The following PCDHA9 variants were observed in gnomAD, a reference collection of about 807,000 sequenced individuals.
The protein encoded by PCDHA9 is protocadherin alpha-9.
Under a neutral mutation model 62.0 loss-of-function variants are expected in PCDHA9, and 62 were observed. The observed-to-expected ratio is 1.00, with a 90% CI of 0.81 to 1.23. The LOEUF (loss-of-function observed/expected upper bound fraction) is 1.23, where lower values mean the gene tolerates loss of function less well. Among genes scored for constraint, PCDHA9 ranks in the 50% most tolerant of loss-of-function variants. The pLI, the probability that PCDHA9 is intolerant of heterozygous loss-of-function variation, is 0.00. For missense variants in PCDHA9, 1,205 were observed against 1,249.8 expected, an observed-to-expected ratio of 0.96 and a Z score of 0.54; for synonymous variants, 557 against 567.6, an observed-to-expected ratio of 0.98 and a Z score of 0.27.
chr5:140,987,898 A>T (rs1394668777), intron 3 of PCDHA9, among the ~76,000 whole-genome samples: 1 of 152,092 alleles, frequency 6.6e-6, no homozygotes, highest in Non-Finnish European at 1.5e-5. Context: ...CCCTAGTTTT[A>T]TATGGGGATT....
chr5:140,848,975 A>G lies in PCDHA9; in HGVS notation c.480A>G (p.Ala160=), dbSNP rs2040717769. 3 of 1,601,024 alleles carry G rather than the reference A, an allele frequency of 1.9e-6. No homozygotes were observed. The East Asian group carries it at 6.7e-5, about 36-fold the overall frequency. ...TTCCACTAGAGGGCGCGTCCGATGC[A>G]GATATCGGGGAGAACGCCCTGCTCA... ...SRFPLEGASD[A]DIGENALLTY... is the part of the protein sequence containing the mutation. The change falls in exon 1 of 4, where the codon GCA becomes GCG. Residue 160 remains alanine, a synonymous_variant. Transcript: ENST00000532602.
chr5:140,869,586 CAT>C, intron 1 of PCDHA9: 6 of 1,614,150 alleles, frequency 3.7e-6, no homozygotes, highest in Non-Finnish European at 5.1e-6. Flanking sequence ...CTGATGCTGA[CAT>C]TGAAGAGAAT....
intron 1 of PCDHA9, chr5:140,871,085 CG>C: frequency 6.2e-7 from 1 of 1,613,246 alleles, no homozygotes. Context: ...CTGACGGCCA[CG>C]GCCACCGTGC....
At chr5:140,864,648 G>A (rs2048555529) in intron 1 of PCDHA9, 1 of 152,150 alleles carries the variant, frequency 6.6e-6, no homozygotes, top group Non-Finnish European at 1.5e-5. Context: ...AACAATGTCA[G>A]CTCTACTTAA....
At chr5:140,858,105 C>A (rs782612207) in intron 1 of PCDHA9, 2 of 1,597,672 alleles carry the variant, frequency 1.3e-6, no homozygotes, top group East Asian at 2.2e-5. Context: ...GTGGGCGTGG[C>A]GCCCGAGGTG....
intron 1 of PCDHA9, chr5:140,868,176 CAT>C (rs1246417615): frequency 2.0e-5 from 3 of 152,006 alleles, no homozygotes; most frequent in African/African-American, 7.2e-5. Flanking sequence ...TTTGATATCT[CAT>C]ATTATGCTAC....
At chr5:140,966,654 T>C in intron 1 of PCDHA9, 1 of 1,185,100 alleles carries the variant, frequency 8.4e-7, no homozygotes, top group Non-Finnish European at 1.1e-6. Flanking sequence ...GCGTGAGCGG[T>C]GGGGGAGCAG....
chr5:140,848,428 C>A lies in PCDHA9; in HGVS notation c.-68C>A, dbSNP rs2150410339. 6.6e-5 allele frequency: 95 copies of A among 1,449,944 alleles called. 7 individuals are homozygous for A. The highest frequency in any genetic ancestry group is 8.7e-5 in the Non-Finnish European group (92 of 1,058,798). The allele number at this position is 1,449,944 out of a possible 1,614,324, so 89.8% of individuals were successfully genotyped here. A position where few individuals can be genotyped will look rare whatever the true frequency, so the allele number is the denominator to read the frequency against. On this transcript the variant is annotated 5_prime_UTR_variant, in exon 1 of 4. Transcript: ENST00000532602. ...GGCGAACACAGCAGAATGGGACTGA[C>A]GAAATCAGATGATTTCTTCTAATTT...
intron 3 of PCDHA9, among the ~76,000 whole-genome samples, chr5:140,985,928 C>G (rs1001132600): frequency 9.9e-5 from 15 of 151,534 alleles, no homozygotes; most frequent in Non-Finnish European, 1.3e-4. Context: ...TTTAGTAGAG[C>G]CGGGGTTTCA....
chr5:140,881,301 A>C (rs1432436745), intron 1 of PCDHA9: 2 of 957,940 alleles, frequency 2.1e-6, no homozygotes, highest in Admixed American at 1.2e-4. Context: ...TGGAAACTTT[A>C]ACCTCCTGGT....
chr5:140,993,368 T>A (rs1354951477), intron 3 of PCDHA9, among the ~76,000 whole-genome samples: 2 of 151,944 alleles, frequency 1.3e-5, no homozygotes, highest in Middle Eastern at 6.8e-3. Flanking sequence ...AAAAACTACC[T>A]CCCAGCCGGG....
chr5:140,956,434 T>G (rs1554222427), intron 1 of PCDHA9, among the ~76,000 whole-genome samples: 1 of 152,236 alleles, frequency 6.6e-6, no homozygotes, highest in Non-Finnish European at 1.5e-5. Flanking sequence ...TTAGTTCTGC[T>G]TATGTGATGA....
chr5:140,967,204 G>C, intron 1 of PCDHA9: 10 of 1,613,634 alleles, frequency 6.2e-6, no homozygotes, highest in Non-Finnish European at 8.5e-6. Context: ...ACAACTCACC[G>C]CGTTTCCCGC....
chr5:140,870,358 G>C lies in PCDHA9; in HGVS notation c.2394+19469G>C, dbSNP rs201159213. The C allele has an allele frequency of 1.2e-5, 20 of 1,614,216 alleles. No homozygotes were observed. The Admixed American group carries it at 3.3e-4, about 27-fold the overall frequency. ...CGCCCTGGACCGCGAGAACGTGTGG[G>C]CCTATGAACTGGTGGTGACTGCGCG... On this transcript the variant is annotated intron_variant, in intron 1 of 3. Transcript: ENST00000532602.
chr5:140,937,588 G>T (rs1414065719), intron 1 of PCDHA9, among the ~76,000 whole-genome samples: 1 of 151,364 alleles, frequency 6.6e-6, no homozygotes, highest in African/African-American at 2.4e-5. Context: ...CTGCACTCTA[G>T]CCTGGGCAAC....
At chr5:140,915,622 T>TTCTC (rs1418940406) in intron 1 of PCDHA9, among the ~76,000 whole-genome samples, 2 of 128,520 alleles carry the variant, frequency 1.6e-5, no homozygotes, top group South Asian at 2.5e-4. Flanking sequence ...AACAGTCTCT[T>TTCTC]TCTGTCTCTC....
Position 140,927,948 on chromosome 5 carries a change from C to T in PCDHA9, c.2395-51001C>T, listed in dbSNP as rs1012110026. The T allele has an allele frequency of 4.3e-6, 7 of 1,614,072 alleles. No homozygotes were observed. In the African/African-American group the frequency reaches 5.3e-5, roughly 12 times the overall value. On this transcript the variant is annotated intron_variant, in intron 1 of 3. Transcript: ENST00000532602. The stretch of plus-strand genomic sequence containing the variant: ...CTCTTTCGAACCCAGTACCTGAGGA[C>T]GCTGCCCCTGGCACAGTGATTGCTC...
chr5:141,002,273 AC>A (rs748746747), intron 3 of PCDHA9, among the ~76,000 whole-genome samples: 69 of 152,308 alleles, frequency 4.5e-4, no homozygotes, highest in Non-Finnish European at 9.1e-4. Flanking sequence ...AGAGCTGGTA[AC>A]AAAGGGATGA....
At chr5:141,007,395 CAA>C (rs35800918) in intron 3 of PCDHA9, among the ~76,000 whole-genome samples, 1,140 of 94,858 alleles carry the variant, frequency 0.012, 9 homozygotes, top group South Asian at 0.036. Context: ...TACTAAAATA[CAA>C]AAAAAAAAAA....
Sources: gnomAD v4.1 joint callset for allele counts (sites outside exome capture counted in the v4.1 genomes callset) on GRCh38, gnomAD v4.1.1 for gene constraint, MANE v1.5 for transcripts, NCBI Gene and HGNC (gene_info 2026-07-23, HGNC 2026-07-21) for gene names.